Variants in GPC6 observed in about 807,000 individuals in gnomAD.
The protein encoded by GPC6 is glypican 6, also known as glypican-6.
In GPC6, 14 loss-of-function variants were observed where a neutral mutation model predicts 55.2. That is an observed-to-expected ratio of 0.25 (90% CI 0.17 to 0.40). The LOEUF (loss-of-function observed/expected upper bound fraction) is 0.40, where lower values mean the gene tolerates loss of function less well. Ranked by LOEUF, GPC6 falls within the 10% of genes least tolerant of loss-of-function variation. GPC6 has a pLI of 1.00. For missense variants in GPC6, 641 were observed against 708.5 expected (o/e 0.90, Z 1.08); for synonymous variants, 278 against 259.6 (o/e 1.07, Z -0.68).
intron 1 of GPC6, among the ~76,000 whole-genome samples, chr13:93,412,866 G>A (rs753782241): frequency 6.6e-6 from 1 of 152,126 alleles, no homozygotes; most frequent in African/African-American, 2.4e-5. Flanking sequence ...GTGAATCCTA[G>A]TGCCACTTTT....
intron 6 of GPC6, among the ~76,000 whole-genome samples, chr13:94,370,366 T>G (rs1879485302): frequency 6.6e-6 from 1 of 152,224 alleles, no homozygotes; most frequent in African/African-American, 2.4e-5. Flanking sequence ...AGCCCTTTGC[T>G]TAGCTAGGAC....
At chr13:94,106,280 A>C (rs1886049585) in intron 4 of GPC6, among the ~76,000 whole-genome samples, 1 of 152,120 alleles carries the variant, frequency 6.6e-6, no homozygotes, top group Non-Finnish European at 1.5e-5. Context: ...GGTCATGGTC[A>C]ACAGTGTTAG....
At chr13:93,363,881 G>C (rs1375464982) in intron 1 of GPC6, among the ~76,000 whole-genome samples, 1 of 151,950 alleles carries the variant, frequency 6.6e-6, no homozygotes, top group Non-Finnish European at 1.5e-5. Flanking sequence ...TTCTCTGATG[G>C]CCAGTGATGC....
At chr13:94,142,495 C>T (rs755787387) in intron 4 of GPC6, among the ~76,000 whole-genome samples, 2 of 152,168 alleles carry the variant, frequency 1.3e-5, no homozygotes, top group Non-Finnish European at 2.9e-5. Context: ...GTTAACACCA[C>T]TTAATACTTT....
At chr13:93,774,099 A>C (rs1885385679) in intron 2 of GPC6, among the ~76,000 whole-genome samples, 1 of 152,198 alleles carries the variant, frequency 6.6e-6, no homozygotes, top group Non-Finnish European at 1.5e-5. Context: ...GCCAGTTAGA[A>C]AAGTCACCAC....
chr13:94,384,151 G>A (rs764861248), intron 7 of GPC6, among the ~76,000 whole-genome samples: 6 of 152,176 alleles, frequency 3.9e-5, no homozygotes, highest in Non-Finnish European at 8.8e-5. Flanking sequence ...CCTACACAAA[G>A]AGCTCTAACC....
At chr13:94,322,465 G>A (rs781499106) in intron 6 of GPC6, among the ~76,000 whole-genome samples, 1 of 152,186 alleles carries the variant, frequency 6.6e-6, no homozygotes, top group Non-Finnish European at 1.5e-5. Flanking sequence ...AGTCTTTACA[G>A]AATACCTTTC....
At chr13:93,422,372 C>T (rs1248832623) in intron 1 of GPC6, among the ~76,000 whole-genome samples, 1 of 152,108 alleles carries the variant, frequency 6.6e-6, no homozygotes, top group Non-Finnish European at 1.5e-5. Context: ...TTTAAATTGC[C>T]TCCTTTTCTA....
chr13:93,401,616 A>AT (rs886832855), intron 1 of GPC6, among the ~76,000 whole-genome samples: 2 of 147,382 alleles, frequency 1.4e-5, no homozygotes, highest in Non-Finnish European at 3.0e-5. Context: ...TTAGAAGGGT[A>AT]TTGCCAATGC....
At chr13:93,448,108 C>T (rs1878079648) in intron 1 of GPC6, among the ~76,000 whole-genome samples, 1 of 152,046 alleles carries the variant, frequency 6.6e-6, no homozygotes, top group Admixed American at 6.6e-5. Flanking sequence ...AAACAACTTC[C>T]TTAGAGTGGA....
At chr13:93,876,820 G>A (rs1231859040) in intron 3 of GPC6, among the ~76,000 whole-genome samples, 1 of 151,818 alleles carries the variant, frequency 6.6e-6, no homozygotes, top group African/African-American at 2.4e-5. Flanking sequence ...GCAAAATGAC[G>A]GGCTCATTTA....
At chr13:93,335,506 C>T (rs1880014134) in intron 1 of GPC6, among the ~76,000 whole-genome samples, 1 of 152,174 alleles carries the variant, frequency 6.6e-6, no homozygotes. Context: ...TAGAGACGAG[C>T]TTCAAATTCA....
chr13:93,485,173 A>G (rs1406219462), intron 1 of GPC6, among the ~76,000 whole-genome samples: 1 of 152,204 alleles, frequency 6.6e-6, no homozygotes, highest in Non-Finnish European at 1.5e-5. Context: ...ATACGACTAA[A>G]ATTAACCAAA....
chr13:94,329,329 T>G (rs566154938), intron 6 of GPC6, among the ~76,000 whole-genome samples: 3 of 152,256 alleles, frequency 2.0e-5, no homozygotes, highest in African/African-American at 7.2e-5. Context: ...TTCACAGTGT[T>G]CCCAGGGCCC....
intron 1 of GPC6, among the ~76,000 whole-genome samples, chr13:93,446,471 A>G (rs981119475): frequency 6.7e-6 from 1 of 148,400 alleles, no homozygotes; most frequent in Non-Finnish European, 1.5e-5. Flanking sequence ...TAGGATCATC[A>G]ATTTAGCTAG....
intron 1 of GPC6, among the ~76,000 whole-genome samples, chr13:93,485,064 G>A (rs778593685): frequency 2.6e-5 from 4 of 152,194 alleles, no homozygotes; most frequent in Non-Finnish European, 5.9e-5. Flanking sequence ...ATAACACAAA[G>A]AAGGGGCAGT....
intron 2 of GPC6, among the ~76,000 whole-genome samples, chr13:93,801,911 A>G (rs1023062065): frequency 1.1e-4 from 17 of 152,184 alleles, no homozygotes; most frequent in African/African-American, 3.6e-4. Context: ...GCTACCTTCA[A>G]TAATCTTCAT....
Position 93,535,301 on chromosome 13 carries a change from C to A in GPC6, c.161-9962C>A, listed in dbSNP as rs141783976. ...AATAATTTCATTGTTATATCAAATA[C>A]TTGTAGGTGTCAGAAGGTAGTTCTG... On this transcript the variant is annotated intron_variant, in intron 1 of 8. Transcript: ENST00000377047. 1.2e-4 allele frequency among the ~76,000 whole-genome samples: 19 copies of A among 152,186 alleles called. No individual in the cohort carries two copies. In the East Asian group the frequency reaches 3.7e-3, roughly 29 times the overall value.
intron 1 of GPC6, among the ~76,000 whole-genome samples, chr13:93,336,221 G>A (rs1467673481): frequency 6.6e-6 from 1 of 152,204 alleles, no homozygotes; most frequent in African/African-American, 2.4e-5. Context: ...TTTGGTAGAA[G>A]CGTTGTGTAA....
Sources: gnomAD v4.1 joint callset for allele counts (sites outside exome capture counted in the v4.1 genomes callset) on GRCh38, gnomAD v4.1.1 for gene constraint, MANE v1.5 for transcripts, NCBI Gene and HGNC (gene_info 2026-07-23, HGNC 2026-07-21) for gene names.